The following AIG1 variants were observed in gnomAD, a reference collection of about 807,000 sequenced individuals.
AIG1 encodes the protein androgen-induced gene 1 protein.
In AIG1, 23 loss-of-function variants were observed where a neutral mutation model predicts 31.4. The observed-to-expected ratio is 0.73, with a 90% CI of 0.53 to 1.04. The LOEUF (loss-of-function observed/expected upper bound fraction) is 1.04. Among genes scored for constraint, AIG1 ranks in the 50% least tolerant of loss-of-function variants. AIG1 has a pLI of 0.00. For synonymous variants in AIG1, 100 were observed against 110.5 expected (o/e 0.90, Z 0.60); for missense variants, 274 against 295.0 (o/e 0.93, Z 0.52).
intron 3 of AIG1, among the ~76,000 whole-genome samples, chr6:143,205,847 C>A (rs191819630): frequency 6.6e-6 from 1 of 152,272 alleles, no homozygotes; most frequent in Admixed American, 6.5e-5. Flanking sequence ...ATACAGATTG[C>A]AGGGCAAAGA....
chr6:143,263,222 A>G (rs1345508410), intron 3 of AIG1, among the ~76,000 whole-genome samples: 1 of 151,692 alleles, frequency 6.6e-6, no homozygotes, highest in East Asian at 1.9e-4. Flanking sequence ...CAGCAATACC[A>G]CTTTTATTTG....
intron 5 of AIG1, among the ~76,000 whole-genome samples, chr6:143,337,275 A>C (rs917305382): frequency 2.6e-5 from 4 of 152,160 alleles, no homozygotes; most frequent in Non-Finnish European, 5.9e-5. Flanking sequence ...CATGCAAGTC[A>C]TGGGGGTCCA....
At position 143,292,919 on chromosome 6, in the gene AIG1, C is replaced by T. The variant is rs1278440528; in HGVS notation, c.515+8694C>T. 6.6e-6 allele frequency among the ~76,000 whole-genome samples: 1 copy of T among 152,320 alleles called. No homozygotes were observed. Among genetic ancestry groups the T allele is most frequent in the African/African-American group, 2.4e-5 (1 of 41,570 alleles). ...TTAGTTCTTTCTGCAACTTTCTTCC[C>T]TCACGAACCTTACCCTGGAAGGCAG... is the stretch of plus-strand genomic sequence containing the variant. On this transcript the variant is annotated intron_variant, in intron 4 of 5. Transcript: ENST00000357847. This position sits in a 1 kb window ranked among gnomAD's most constrained non-coding sequence, Gnocchi z 4.9.
At chr6:143,217,733 T>C (rs1486256476) in intron 3 of AIG1, among the ~76,000 whole-genome samples, 1 of 152,212 alleles carries the variant, frequency 6.6e-6, no homozygotes, top group South Asian at 2.1e-4. Flanking sequence ...CATCTGGAAC[T>C]TCTCATCTCA....
chr6:143,151,020 C>G (rs1785177974), intron 2 of AIG1, among the ~76,000 whole-genome samples: 1 of 152,316 alleles, frequency 6.6e-6, no homozygotes, highest in East Asian at 1.9e-4. Context: ...TGCTCTCAAA[C>G]AGAAAGATTG....
chr6:143,197,881 A>G (rs1583483398), intron 3 of AIG1, among the ~76,000 whole-genome samples: 1 of 152,152 alleles, frequency 6.6e-6, no homozygotes, highest in East Asian at 1.9e-4. Context: ...GGGCCATATG[A>G]TCTTTGGGAG....
chr6:143,155,139 G>A (rs571285777), intron 2 of AIG1, among the ~76,000 whole-genome samples: 66 of 151,910 alleles, frequency 4.3e-4, no homozygotes, highest in Non-Finnish European at 7.8e-4. Context: ...GATTACAGGC[G>A]GGAGCCACTC....
intron 2 of AIG1, among the ~76,000 whole-genome samples, chr6:143,144,338 T>A (rs1290764624): frequency 6.6e-6 from 1 of 152,228 alleles, no homozygotes; most frequent in Admixed American, 6.5e-5. Context: ...AGGATAGTGT[T>A]GGCTGAGAAT....
intron 4 of AIG1, among the ~76,000 whole-genome samples, chr6:143,309,680 T>A (rs956657975): frequency 2.0e-5 from 3 of 151,934 alleles, no homozygotes; most frequent in African/African-American, 7.2e-5. Context: ...AATAGCCTAA[T>A]ACACCAATTA....
At chr6:143,262,080 C>G (rs1269405338) in intron 3 of AIG1, among the ~76,000 whole-genome samples, 3 of 152,198 alleles carry the variant, frequency 2.0e-5, no homozygotes, top group Non-Finnish European at 2.9e-5. Context: ...GCAATTGCTG[C>G]AGCTCAGCCC....
intron 1 of AIG1, among the ~76,000 whole-genome samples, chr6:143,113,476 G>A (rs1015589485): frequency 1.3e-5 from 2 of 151,230 alleles, no homozygotes; most frequent in East Asian, 2.0e-4. Flanking sequence ...GGTGGCATGC[G>A]CCTGTAGTCC....
At chr6:143,324,979 G>T (rs907888895) in intron 4 of AIG1, among the ~76,000 whole-genome samples, 2 of 152,178 alleles carry the variant, frequency 1.3e-5, no homozygotes, top group African/African-American at 2.4e-5. Flanking sequence ...GCTTGACAAT[G>T]TCATTTTTTC....
At chr6:143,087,076 C>T (rs1436027933) in intron 1 of AIG1, among the ~76,000 whole-genome samples, 3 of 152,170 alleles carry the variant, frequency 2.0e-5, no homozygotes, top group African/African-American at 4.8e-5. Context: ...CAGCCATGCT[C>T]ATTGTTTTTA....
At chr6:143,264,128 A>T (rs1016066810) in intron 3 of AIG1, among the ~76,000 whole-genome samples, 4 of 152,186 alleles carry the variant, frequency 2.6e-5, no homozygotes, top group African/African-American at 9.7e-5. Flanking sequence ...ATGGTTTTTA[A>T]CTTGATTATA....
chr6:143,150,415 T>C (rs1310068478), intron 2 of AIG1, among the ~76,000 whole-genome samples: 3 of 152,164 alleles, frequency 2.0e-5, no homozygotes, highest in African/African-American at 7.2e-5. Context: ...TAAGTGCCAG[T>C]CACTAAGCTA....
At chr6:143,138,548 T>C (rs1327283125) in intron 2 of AIG1, among the ~76,000 whole-genome samples, 8 of 152,122 alleles carry the variant, frequency 5.3e-5, no homozygotes, top group Admixed American at 1.3e-4. Context: ...TCTATAGCCA[T>C]GTCATTGCCT....
chr6:143,164,692 T>C (rs1380655278), intron 2 of AIG1, among the ~76,000 whole-genome samples: 3 of 152,174 alleles, frequency 2.0e-5, no homozygotes, highest in Non-Finnish European at 4.4e-5. Flanking sequence ...GCTGGCAGTT[T>C]CCTGAATGTG....
At chr6:143,303,380 T>A (rs1297509067) in intron 4 of AIG1, among the ~76,000 whole-genome samples, 14 of 152,146 alleles carry the variant, frequency 9.2e-5, no homozygotes, top group Admixed American at 2.0e-4. Flanking sequence ...AAGTCTTTAA[T>A]CTATCTTGAA....
chr6:143,279,767 T>C lies in AIG1; in HGVS notation c.400-4343T>C, dbSNP rs1343819218. On this transcript the variant is annotated intron_variant, in intron 3 of 5. Transcript: ENST00000357847. This position sits in a 1 kb window ranked among gnomAD's most constrained non-coding sequence, Gnocchi z 5.4. ...CAGGATAGATTTAGGCTTCGTTTTTTGGACACAATCTTCCAAATGATAGCT... is the reference window on the plus strand; with the variant it reads ...CAGGATAGATTTAGGCTTCGTTTTTCGGACACAATCTTCCAAATGATAGCT... Among the ~76,000 whole-genome samples the C allele has an allele frequency of 1.3e-5, 2 of 152,216 alleles. No individual in the cohort carries two copies. The highest frequency in any genetic ancestry group is 2.9e-5 in the Non-Finnish European group (2 of 68,028).
Sources: gnomAD v4.1 joint callset for allele counts (sites outside exome capture counted in the v4.1 genomes callset) on GRCh38, gnomAD v4.1.1 for gene constraint, Gnocchi (gnomAD v3.1) non-coding constraint, MANE v1.5 for transcripts, NCBI Gene and HGNC (gene_info 2026-07-23, HGNC 2026-07-21) for gene names.